PTPRD: variants seen among roughly 807,000 people sequenced by gnomAD.
PTPRD encodes the protein receptor-type tyrosine-protein phosphatase delta.
In PTPRD, 34 loss-of-function variants were observed where a neutral mutation model predicts 214.5. That is an observed-to-expected ratio of 0.16 (90% CI 0.12 to 0.21). PTPRD has a LOEUF of 0.21. Ranked by LOEUF, PTPRD falls within the 10% of genes least tolerant of loss-of-function variation. PTPRD has a pLI of 1.00. For missense variants in PTPRD, 2,545 were observed against 2,398.7 expected, an observed-to-expected ratio of 1.06 and a Z score of -1.27; for synonymous variants, 1,128 against 845.7, an observed-to-expected ratio of 1.33 and a Z score of -5.79.
At chr9:8,628,361 T>C (rs1049448404) in intron 14 of PTPRD, among the ~76,000 whole-genome samples, 1 of 151,876 alleles carries the variant, frequency 6.6e-6, no homozygotes, top group African/African-American at 2.4e-5. Flanking sequence ...ACTGCCATAA[T>C]GGCTTACATT....
chr9:8,622,756 A>G (rs919614561), intron 14 of PTPRD, among the ~76,000 whole-genome samples: 1 of 151,938 alleles, frequency 6.6e-6, no homozygotes, highest in Non-Finnish European at 1.5e-5. Context: ...TGACATTTCT[A>G]ATTTTTAAAA....
intron 9 of PTPRD, among the ~76,000 whole-genome samples, chr9:9,252,090 G>A (rs997899549): frequency 6.6e-6 from 1 of 151,860 alleles, no homozygotes; most frequent in East Asian, 1.9e-4. Context: ...TTAACATGGT[G>A]CCACAATACT....
intron 10 of PTPRD, among the ~76,000 whole-genome samples, chr9:9,150,335 G>A (rs2099875600): frequency 6.6e-6 from 1 of 151,436 alleles, no homozygotes; most frequent in Non-Finnish European, 1.5e-5. Flanking sequence ...CTAGCGTAGG[G>A]TTGGGGGATA....
chr9:9,566,420 C>T (rs1360091796), intron 8 of PTPRD, among the ~76,000 whole-genome samples: 1 of 151,950 alleles, frequency 6.6e-6, no homozygotes, highest in East Asian at 1.9e-4. Context: ...AAAATTTAAA[C>T]TCAGATTATT....
At chr9:9,182,497 G>A (rs910941612) in intron 10 of PTPRD, among the ~76,000 whole-genome samples, 2 of 151,974 alleles carry the variant, frequency 1.3e-5, no homozygotes, top group African/African-American at 2.4e-5. Context: ...AGTTTATTAC[G>A]AGATAATAGT....
chr9:9,179,666 C>T (rs773556743), intron 10 of PTPRD, among the ~76,000 whole-genome samples: 1 of 152,154 alleles, frequency 6.6e-6, no homozygotes, highest in African/African-American at 2.4e-5. Flanking sequence ...AGTTTACAGT[C>T]ATAGACACTT....
intron 14 of PTPRD, among the ~76,000 whole-genome samples, chr9:8,627,927 T>G (rs1321869974): frequency 6.6e-6 from 1 of 151,936 alleles, no homozygotes; most frequent in African/African-American, 2.4e-5. Flanking sequence ...AGCATGGAAA[T>G]GAGGTACACA....
intron 7 of PTPRD, among the ~76,000 whole-genome samples, chr9:9,689,715 C>G (rs77485321): frequency 0.042 from 6,431 of 151,920 alleles, 191 homozygotes; most frequent in Non-Finnish European, 0.058. Context: ...TTATAAGTTC[C>G]CATATATGAG....
chr9:10,233,622 T>C (rs1237468219), intron 3 of PTPRD, among the ~76,000 whole-genome samples: 1 of 151,968 alleles, frequency 6.6e-6, no homozygotes, highest in Non-Finnish European at 1.5e-5. Flanking sequence ...ACTTGCCAAT[T>C]GCAATCATGC....
chr9:9,226,689 T>C (rs138364880), intron 9 of PTPRD, among the ~76,000 whole-genome samples: 1 of 152,134 alleles, frequency 6.6e-6, no homozygotes, highest in Admixed American at 6.6e-5. Context: ...TCTTAGGAGA[T>C]AAGTACTTTG....
intron 8 of PTPRD, among the ~76,000 whole-genome samples, chr9:9,524,476 T>G (rs185644913): frequency 2.5e-3 from 377 of 152,340 alleles, no homozygotes; most frequent in Non-Finnish European, 3.5e-3. Context: ...CGTACGTTCG[T>G]GTACTCTATC....
At chr9:8,933,589 T>C (rs936091469) in intron 11 of PTPRD, among the ~76,000 whole-genome samples, 1 of 151,992 alleles carries the variant, frequency 6.6e-6, no homozygotes, top group Non-Finnish European at 1.5e-5. Flanking sequence ...AATGGATACT[T>C]GATATATTTA....
At position 9,936,266 on chromosome 9, in the gene PTPRD, G is replaced by T. The variant is rs574195614; in HGVS notation, c.-368+2241C>A. ...ACTAAAGAGCTTCTGCACAGCAAAA[G>T]AAACTACCATCAGAGTGAACAGGCA... On this transcript the variant is annotated intron_variant, in intron 5 of 45. Transcript: ENST00000381196. Among the ~76,000 whole-genome samples, 402 of 149,732 alleles carry T rather than the reference G, an allele frequency of 2.7e-3. 2 individuals carry two copies. Among genetic ancestry groups the T allele is most frequent in the African/African-American group, 9.1e-3 (364 of 40,000 alleles).
At chr9:10,569,104 G>A (rs1591145141) in intron 2 of PTPRD, among the ~76,000 whole-genome samples, 1 of 152,058 alleles carries the variant, frequency 6.6e-6, no homozygotes, top group Middle Eastern at 3.4e-3. Context: ...TCAAAAAATG[G>A]GCGAAGGATA....
At chr9:8,620,142 G>A (rs766885735) in intron 14 of PTPRD, among the ~76,000 whole-genome samples, 6 of 151,930 alleles carry the variant, frequency 3.9e-5, no homozygotes, top group African/African-American at 7.2e-5. Flanking sequence ...TTGAACGCTT[G>A]GTAATTACTA....
At chr9:9,291,021 T>C (rs1158388555) in intron 9 of PTPRD, among the ~76,000 whole-genome samples, 1 of 151,488 alleles carries the variant, frequency 6.6e-6, no homozygotes, top group Non-Finnish European at 1.5e-5. Context: ...CAATATCATA[T>C]GCTGTTGTTT....
intron 8 of PTPRD, among the ~76,000 whole-genome samples, chr9:9,472,042 C>T (rs10816137): frequency 0.49 from 73,694 of 151,850 alleles, 18,309 homozygotes; most frequent in East Asian, 0.69. Flanking sequence ...TTTTAAGTGT[C>T]TAAGTGGTAT....
At chr9:9,002,990 T>A (rs2099429854) in intron 11 of PTPRD, among the ~76,000 whole-genome samples, 1 of 152,084 alleles carries the variant, frequency 6.6e-6, no homozygotes, top group South Asian at 2.1e-4. Context: ...TGGAAATTAA[T>A]CACCGTAGAA....
At chr9:9,607,749 A>G (rs886456733) in intron 7 of PTPRD, among the ~76,000 whole-genome samples, 2 of 151,604 alleles carry the variant, frequency 1.3e-5, no homozygotes, top group Non-Finnish European at 2.9e-5. Flanking sequence ...TGTTAGTAAA[A>G]AAAAAAAAAA....
Sources: allele counts gnomAD v4.1 joint callset (sites outside exome capture counted in the v4.1 genomes callset), GRCh38; gene constraint gnomAD v4.1.1; transcripts MANE v1.5; gene names NCBI Gene and HGNC (gene_info 2026-07-23, HGNC 2026-07-21).